The following RABGAP1L variants were observed in gnomAD, a reference collection of about 807,000 sequenced individuals.
RABGAP1L encodes RAB GTPase activating protein 1 like.
In RABGAP1L, 63 loss-of-function variants were observed where a neutral mutation model predicts 137.7. The ratio of observed to expected loss-of-function variants is 0.46; its 90% CI spans 0.37 to 0.56. The LOEUF (loss-of-function observed/expected upper bound fraction) is 0.56, where lower values mean the gene tolerates loss of function less well. Among genes scored for constraint, RABGAP1L ranks in the 20% least tolerant of loss-of-function variants. RABGAP1L has a pLI of 0.00. For missense variants in RABGAP1L, 1,095 were observed against 1,244.0 expected, an observed-to-expected ratio of 0.88 and a Z score of 1.80; for synonymous variants, 431 against 433.7, an observed-to-expected ratio of 0.99 and a Z score of 0.08.
chr1:174,697,444 C>T (rs1401138154), intron 15 of RABGAP1L, among the ~76,000 whole-genome samples: 1 of 152,062 alleles, frequency 6.6e-6, no homozygotes, highest in African/African-American at 2.4e-5. Context: ...CCTCAGCTTC[C>T]CCAGTATCTA....
intron 12 of RABGAP1L, among the ~76,000 whole-genome samples, chr1:174,379,504 TC>T (rs1369268666): frequency 5.4e-5 from 7 of 129,526 alleles, no homozygotes; most frequent in Non-Finnish European, 7.9e-5. Context: ...GTCCTTCACA[TC>T]CCTTGTAAGT....
intron 19 of RABGAP1L, among the ~76,000 whole-genome samples, chr1:174,844,380 C>T: frequency 1.1e-5 from 1 of 88,658 alleles, no homozygotes; most frequent in Non-Finnish European, 2.4e-5. Flanking sequence ...AATCTTTAAT[C>T]CATCTTGAAT....
intron 21 of RABGAP1L, among the ~76,000 whole-genome samples, chr1:174,974,975 C>T (rs959592824): frequency 6.6e-6 from 1 of 152,258 alleles, no homozygotes; most frequent in African/African-American, 2.4e-5. Context: ...CTGCTGTCAG[C>T]CAGGGATAGC....
intron 11 of RABGAP1L, among the ~76,000 whole-genome samples, chr1:174,358,868 A>G (rs995617994): frequency 2.6e-5 from 4 of 152,208 alleles, no homozygotes; most frequent in Non-Finnish European, 2.9e-5. Context: ...TTGGAAATAC[A>G]GAAATAAAAG....
In RABGAP1L at chr1:174,462,011, C is replaced by A. The variant is rs180738695; in HGVS notation, c.1710+67866C>A. ...AGGAAGAATGAGAATTTTTGTTTTA[C>A]CCAAGAACCTTCTGTATACCTTAGT... On this transcript the variant is annotated intron_variant, in intron 13 of 25. Transcript: ENST00000681986. Among the ~76,000 whole-genome samples, 535 of 152,196 alleles carry A rather than the reference C, an allele frequency of 3.5e-3. 1 individual carries two copies. Among genetic ancestry groups the A allele is most frequent in the Non-Finnish European group, 5.0e-3 (338 of 67,994 alleles).
At chr1:174,352,790 C>T (rs990276569) in intron 11 of RABGAP1L, among the ~76,000 whole-genome samples, 3 of 152,162 alleles carry the variant, frequency 2.0e-5, no homozygotes, top group Non-Finnish European at 4.4e-5. Context: ...GGTATATCTG[C>T]GTTAGAGGGC....
chr1:174,959,515 C>A (rs2149346511), intron 20 of RABGAP1L, among the ~76,000 whole-genome samples: 1 of 152,202 alleles, frequency 6.6e-6, no homozygotes, highest in Non-Finnish European at 1.5e-5. Context: ...TTTTAAAGTA[C>A]TTATAACATG....
At chr1:174,418,530 G>A (rs1650873302) in intron 13 of RABGAP1L, among the ~76,000 whole-genome samples, 1 of 152,156 alleles carries the variant, frequency 6.6e-6, no homozygotes. Context: ...CTATAAGAAT[G>A]CCTGTAGCAG....
intron 13 of RABGAP1L, among the ~76,000 whole-genome samples, chr1:174,609,005 G>A (rs1050557786): frequency 6.6e-6 from 1 of 151,776 alleles, no homozygotes; most frequent in Non-Finnish European, 1.5e-5. Context: ...CACTTATACC[G>A]AATTACCTCA....
intron 1 of RABGAP1L, among the ~76,000 whole-genome samples, chr1:174,187,640 A>G (rs1666905874): frequency 6.6e-6 from 1 of 152,210 alleles, no homozygotes; most frequent in Admixed American, 6.5e-5. Flanking sequence ...ATGCAAATTT[A>G]CTAAAATAAT....
chr1:174,293,929 T>C (rs1231816401), intron 10 of RABGAP1L, among the ~76,000 whole-genome samples: 3 of 152,070 alleles, frequency 2.0e-5, no homozygotes, highest in African/African-American at 7.2e-5. Context: ...ACAATAGAAG[T>C]ATATACATAG....
chr1:174,516,937 A>AAATT lies in RABGAP1L; in HGVS notation c.1711-120435_1711-120434insTAAT, dbSNP rs2147828289. On this transcript the variant is annotated intron_variant, in intron 13 of 25. Coordinates refer to ENST00000681986, the MANE Select transcript of RABGAP1L (RefSeq NM_001366446.1). ...GCGAGACTCTGTCTCAAAAATAAAT[A>AAATT]AATAAATAAATAAATAAATAAATAA... Among the ~76,000 whole-genome samples the AAATT allele has an allele frequency of 2.7e-5, 4 of 147,048 alleles. No individual in the cohort carries two copies. The South Asian group carries it at 8.4e-4, about 31-fold the overall frequency.
chr1:174,701,119 G>C, intron 16 of RABGAP1L: 1 of 1,304,634 alleles, frequency 7.7e-7, no homozygotes, highest in Non-Finnish European at 1.0e-6. Context: ...AAAACAAAAT[G>C]AAGGTGGCCT....
At chr1:174,281,337 T>A (rs1348419119) in intron 10 of RABGAP1L, among the ~76,000 whole-genome samples, 2 of 152,208 alleles carry the variant, frequency 1.3e-5, no homozygotes, top group Non-Finnish European at 2.9e-5. Context: ...GAGTGCTGAT[T>A]GGCCTGTTTT....
At chr1:174,678,289 AAAG>A (rs1262798585) in intron 14 of RABGAP1L, among the ~76,000 whole-genome samples, 2 of 152,198 alleles carry the variant, frequency 1.3e-5, no homozygotes, top group African/African-American at 2.4e-5. Context: ...CCAGATGGTT[AAAG>A]AAGAATTAAT....
At chr1:174,834,530 A>G (rs1692526703) in intron 19 of RABGAP1L, among the ~76,000 whole-genome samples, 1 of 151,468 alleles carries the variant, frequency 6.6e-6, no homozygotes, top group South Asian at 2.1e-4. Flanking sequence ...CTTGTGCAGG[A>G]GACAAAAGGC....
chr1:174,509,475 AT>A (rs956257664), intron 13 of RABGAP1L, among the ~76,000 whole-genome samples: 62 of 151,794 alleles, frequency 4.1e-4, no homozygotes, highest in Admixed American at 1.3e-3. Context: ...AGATTGCTGG[AT>A]TTTTTTTATG....
intron 19 of RABGAP1L, among the ~76,000 whole-genome samples, chr1:174,941,917 AGGACT>A (rs1665955074): frequency 6.6e-6 from 1 of 152,212 alleles, no homozygotes; most frequent in Non-Finnish European, 1.5e-5. Context: ...TCTTGATGAA[AGGACT>A]GTGTCATAAC....
intron 13 of RABGAP1L, among the ~76,000 whole-genome samples, chr1:174,564,255 A>G (rs150639324): frequency 2.6e-5 from 4 of 152,110 alleles, no homozygotes; most frequent in South Asian, 2.1e-4. Context: ...TCAAGATAAA[A>G]TTTTTATTCC....
Sources: allele counts gnomAD v4.1 joint callset (sites outside exome capture counted in the v4.1 genomes callset), GRCh38; gene constraint gnomAD v4.1.1; transcripts MANE v1.5; gene names NCBI Gene and HGNC (gene_info 2026-07-23, HGNC 2026-07-21).